CSGALNACT1: variants seen among roughly 807,000 people sequenced by gnomAD.
CSGALNACT1 encodes the protein beta4GalNAcT-1.
In CSGALNACT1, 52 loss-of-function variants were observed where a neutral mutation model predicts 51.0. That is an observed-to-expected ratio of 1.02 (90% CI 0.82 to 1.29). CSGALNACT1 has a LOEUF of 1.29. CSGALNACT1 is among the 50% of genes most tolerant of loss of function. The pLI is 0.00. For synonymous variants in CSGALNACT1, 341 were observed against 254.4 expected, an observed-to-expected ratio of 1.34 and a Z score of -3.24; for missense variants, 935 against 679.2, an observed-to-expected ratio of 1.38 and a Z score of -4.19.
At chr8:19,739,387 C>G (rs1243457822) in intron 1 of CSGALNACT1, among the ~76,000 whole-genome samples, 1 of 152,134 alleles carries the variant, frequency 6.6e-6, no homozygotes, top group East Asian at 1.9e-4. Flanking sequence ...TCTCTCTTTT[C>G]TACCCACCTT....
intron 1 of CSGALNACT1, among the ~76,000 whole-genome samples, chr8:19,645,278 G>T (rs1456299791): frequency 6.6e-6 from 1 of 152,150 alleles, no homozygotes; most frequent in African/African-American, 2.4e-5. Context: ...ATGATGCAAC[G>T]GTATTAACAT....
intron 4 of CSGALNACT1, among the ~76,000 whole-genome samples, chr8:19,464,917 G>A (rs1180780786): frequency 3.9e-5 from 6 of 152,100 alleles, no homozygotes; most frequent in Non-Finnish European, 7.4e-5. Context: ...CAGCCACTGC[G>A]GAATGCAGTT....
intron 3 of CSGALNACT1, among the ~76,000 whole-genome samples, chr8:19,517,338 G>A (rs917344357): frequency 3.3e-5 from 5 of 152,156 alleles, no homozygotes; most frequent in African/African-American, 1.2e-4. Context: ...TGCTCGGGAG[G>A]CTGAGGCAGG....
intron 6 of CSGALNACT1, among the ~76,000 whole-genome samples, chr8:19,428,212 A>C (rs2059081492): frequency 6.6e-6 from 1 of 152,196 alleles, no homozygotes; most frequent in African/African-American, 2.4e-5. Context: ...GTACACCAGC[A>C]TCGGAGTCTG....
At chr8:19,441,336 C>A (rs912964553) in intron 5 of CSGALNACT1, among the ~76,000 whole-genome samples, 4 of 152,164 alleles carry the variant, frequency 2.6e-5, no homozygotes, top group East Asian at 1.9e-4. Context: ...AGGCTACAGT[C>A]ACCAAAACAG....
At chr8:19,453,704 G>C (rs1003452787) in intron 5 of CSGALNACT1, among the ~76,000 whole-genome samples, 3 of 152,214 alleles carry the variant, frequency 2.0e-5, no homozygotes, top group African/African-American at 7.2e-5. Context: ...CTGAGGTCAG[G>C]AGTTCAAGAC....
At chr8:19,571,435 C>CA (rs2043000557) in intron 3 of CSGALNACT1, among the ~76,000 whole-genome samples, 1 of 146,766 alleles carries the variant, frequency 6.8e-6, no homozygotes, top group Admixed American at 6.8e-5. Context: ...GTCCAGAAAG[C>CA]AATTAAGAGT....
At chr8:19,703,448 C>T (rs2061988214) in intron 1 of CSGALNACT1, among the ~76,000 whole-genome samples, 1 of 152,166 alleles carries the variant, frequency 6.6e-6, no homozygotes, top group Non-Finnish European at 1.5e-5. Flanking sequence ...GGACTACAGG[C>T]ACCTGCCACC....
At chr8:19,700,125 AG>A (rs67952115) in intron 1 of CSGALNACT1, among the ~76,000 whole-genome samples, 1,771 of 74,786 alleles carry the variant, frequency 0.024, 41 homozygotes, top group African/African-American at 0.067. Context: ...AAAAAAAAAA[AG>A]AAAAAAAAAA....
At chr8:19,648,838 A>C (rs1042728234) in intron 1 of CSGALNACT1, among the ~76,000 whole-genome samples, 1 of 152,170 alleles carries the variant, frequency 6.6e-6, no homozygotes, top group Non-Finnish European at 1.5e-5. Flanking sequence ...TGAACACCTT[A>C]ATGTCCATTA....
At chr8:19,718,076 C>T (rs1444198278) in intron 1 of CSGALNACT1, among the ~76,000 whole-genome samples, 1 of 151,978 alleles carries the variant, frequency 6.6e-6, no homozygotes, top group Non-Finnish European at 1.5e-5. Flanking sequence ...TTTTATGATA[C>T]CTAAAAGGTC....
intron 3 of CSGALNACT1, among the ~76,000 whole-genome samples, chr8:19,558,991 C>G (rs2040102898): frequency 6.6e-6 from 1 of 152,120 alleles, no homozygotes; most frequent in South Asian, 2.1e-4. Flanking sequence ...ATTTGATGTT[C>G]CTTGAACTAC....
upstream of CSGALNACT1, among the ~76,000 whole-genome samples, chr8:19,605,479 G>A (rs991163033): frequency 2.0e-5 from 3 of 152,156 alleles, no homozygotes; most frequent in African/African-American, 7.2e-5. Context: ...ACTCGTTCTT[G>A]TATCCGGGTC....
At chr8:19,460,928 A>C (rs565530910) in intron 4 of CSGALNACT1, among the ~76,000 whole-genome samples, 45 of 152,040 alleles carry the variant, frequency 3.0e-4, no homozygotes, top group Admixed American at 5.9e-4. Flanking sequence ...TGGTCCTGTG[A>C]GTTTCCAAGG....
intron 4 of CSGALNACT1, among the ~76,000 whole-genome samples, chr8:19,503,460 A>G (rs1231494889): frequency 6.6e-6 from 1 of 152,232 alleles, no homozygotes; most frequent in Non-Finnish European, 1.5e-5. Context: ...GAACATCACA[A>G]GGTCACACAT....
chr8:19,465,709 A>G (rs930046979), intron 4 of CSGALNACT1, among the ~76,000 whole-genome samples: 2 of 152,046 alleles, frequency 1.3e-5, no homozygotes, highest in African/African-American at 4.8e-5. Context: ...TTCCTAAACT[A>G]CTGTTTGGGC....
At chr8:19,618,623 C>G (rs865973291) in intron 1 of CSGALNACT1, among the ~76,000 whole-genome samples, 1 of 48,518 alleles carries the variant, frequency 2.1e-5, no homozygotes, top group Non-Finnish European at 3.6e-5. Context: ...CAGAGGAATA[C>G]TCCATCAAAA....
intron 3 of CSGALNACT1, among the ~76,000 whole-genome samples, chr8:19,550,134 T>C (rs1430808513): frequency 6.6e-6 from 1 of 152,156 alleles, no homozygotes; most frequent in African/African-American, 2.4e-5. Flanking sequence ...TTCATTCTCT[T>C]TCTGAAACTT....
chr8:19,567,382 G>C (rs936780582), intron 3 of CSGALNACT1, among the ~76,000 whole-genome samples: 1 of 152,192 alleles, frequency 6.6e-6, no homozygotes, highest in Admixed American at 6.5e-5. Context: ...ATGTTAATGA[G>C]AGTGAGTCAG....
Sources: allele counts gnomAD v4.1 joint callset (sites outside exome capture counted in the v4.1 genomes callset), GRCh38; gene constraint gnomAD v4.1.1; transcripts MANE v1.5; gene names NCBI Gene and HGNC (gene_info 2026-07-23, HGNC 2026-07-21).